The following DTD1 variants were observed in gnomAD, a reference collection of about 807,000 sequenced individuals.
The protein encoded by DTD1 is D-aminoacyl-tRNA deacylase 1.
A neutral mutation model predicts 25.6 loss-of-function variants in DTD1; 13 were observed. The ratio of observed to expected loss-of-function variants is 0.51; its 90% CI spans 0.33 to 0.81. DTD1 has a LOEUF of 0.81. Among genes scored for constraint, DTD1 ranks in the 30% least tolerant of loss-of-function variants. The pLI is 0.02. For missense variants in DTD1, 193 were observed against 266.4 expected, an observed-to-expected ratio of 0.72 and a Z score of 1.92; for synonymous variants, 110 against 103.6, an observed-to-expected ratio of 1.06 and a Z score of -0.37.
At chr20:18,696,774 G>C (rs1053820798) in intron 4 of DTD1, among the ~76,000 whole-genome samples, 3 of 151,666 alleles carry the variant, frequency 2.0e-5, no homozygotes, top group African/African-American at 7.3e-5. Context: ...GGCTGGTCTT[G>C]AACTCCCGAC....
chr20:18,592,012 T>C (rs1441278985), intron 1 of DTD1, among the ~76,000 whole-genome samples: 1 of 152,198 alleles, frequency 6.6e-6, no homozygotes, highest in Non-Finnish European at 1.5e-5. Context: ...CAGGAATGGA[T>C]TGATGTGCTC....
intron 3 of DTD1, among the ~76,000 whole-genome samples, chr20:18,624,552 A>C (rs1196975692): frequency 6.6e-6 from 1 of 152,180 alleles, no homozygotes; most frequent in Non-Finnish European, 1.5e-5. Context: ...GGGTTCATGC[A>C]GCAGCCTTGT....
intron 1 of DTD1, among the ~76,000 whole-genome samples, chr20:18,589,434 C>A (rs2060580356): frequency 6.6e-6 from 1 of 151,956 alleles, no homozygotes; most frequent in Non-Finnish European, 1.5e-5. Context: ...ACAACCAAAC[C>A]CACCAAAACC....
At chr20:18,651,769 G>A (rs747086546) in intron 4 of DTD1, among the ~76,000 whole-genome samples, 13 of 152,178 alleles carry the variant, frequency 8.5e-5, no homozygotes, top group Non-Finnish European at 1.8e-4. Context: ...GAGAACCGTG[G>A]TTTTAGTAGG....
chr20:18,691,426 C>G (rs1600371690), intron 4 of DTD1, among the ~76,000 whole-genome samples: 1 of 152,198 alleles, frequency 6.6e-6, no homozygotes, highest in Non-Finnish European at 1.5e-5. Context: ...ATGGAATGCT[C>G]TGTAGCCATA....
intron 4 of DTD1, among the ~76,000 whole-genome samples, chr20:18,676,220 C>T (rs1243091273): frequency 2.6e-5 from 4 of 152,146 alleles, no homozygotes; most frequent in African/African-American, 9.7e-5. Flanking sequence ...GGTTTCGAAA[C>T]TGCTCATCAA....
chr20:18,734,573 A>G (rs2061249165), intron 4 of DTD1, among the ~76,000 whole-genome samples: 1 of 152,242 alleles, frequency 6.6e-6, no homozygotes, highest in African/African-American at 2.4e-5. Flanking sequence ...GTGGCCTAGC[A>G]GAGCACACTG....
Position 18,702,383 on chromosome 20 carries a change from C to T in DTD1, c.478-41717C>T, listed in dbSNP as rs188148586. ...TTGGCTTTATCCTTGTTTTAAATTTCCCCTTTTCTCATTTCCCAGACTGGG... is the reference window on the plus strand; with the variant it reads ...TTGGCTTTATCCTTGTTTTAAATTTTCCCTTTTCTCATTTCCCAGACTGGG... On this transcript the variant is annotated intron_variant, in intron 4 of 5. Coordinates refer to ENST00000377452, the MANE Select transcript of DTD1 (RefSeq NM_080820.6). 2.1e-3 allele frequency among the ~76,000 whole-genome samples: 326 copies of T among 152,290 alleles called. 2 individuals carry two copies. The highest frequency in any genetic ancestry group is 7.4e-3 in the African/African-American group (307 of 41,564).
chr20:18,648,007 C>T (rs2060856568), intron 4 of DTD1, among the ~76,000 whole-genome samples: 2 of 152,184 alleles, frequency 1.3e-5, no homozygotes, highest in Admixed American at 6.5e-5. Context: ...TTCCCTGAAT[C>T]ACTGTTGGCC....
chr20:18,712,254 T>G (rs2061162162), intron 4 of DTD1, among the ~76,000 whole-genome samples: 1 of 152,192 alleles, frequency 6.6e-6, no homozygotes, highest in Non-Finnish European at 1.5e-5. Context: ...GGGGTTCTTG[T>G]TTGTAATTTT....
At chr20:18,693,903 G>A (rs1041707838) in intron 4 of DTD1, among the ~76,000 whole-genome samples, 6 of 152,128 alleles carry the variant, frequency 3.9e-5, no homozygotes, top group East Asian at 3.9e-4. Context: ...CACCAGCCAC[G>A]TGTAGCCATG....
At chr20:18,623,936 AGGG>A (rs2060746903) in intron 3 of DTD1, among the ~76,000 whole-genome samples, 1 of 151,662 alleles carries the variant, frequency 6.6e-6, no homozygotes, top group Middle Eastern at 3.4e-3. Context: ...TGCACAATAG[AGGG>A]CATGCTACTC....
chr20:18,712,408 G>C (rs1037921094), intron 4 of DTD1, among the ~76,000 whole-genome samples: 1 of 143,092 alleles, frequency 7.0e-6, no homozygotes, highest in Non-Finnish European at 1.5e-5. Context: ...TGGGGGTGGG[G>C]GGGAAGCCAG....
chr20:18,724,389 G>A (rs549943148), intron 4 of DTD1, among the ~76,000 whole-genome samples: 2 of 152,278 alleles, frequency 1.3e-5, no homozygotes, highest in South Asian at 2.1e-4. Context: ...CTTGGGGAGA[G>A]GGGTGATGAT....
intron 5 of DTD1, among the ~76,000 whole-genome samples, chr20:18,760,178 G>A (rs1373654207): frequency 3.9e-5 from 6 of 152,222 alleles, no homozygotes; most frequent in Non-Finnish European, 7.4e-5. Context: ...CCATGGGTTC[G>A]AACTTCCTCC....
At chr20:18,633,710 C>G (rs1004020403) in intron 4 of DTD1, among the ~76,000 whole-genome samples, 3 of 152,114 alleles carry the variant, frequency 2.0e-5, no homozygotes, top group Admixed American at 2.0e-4. Flanking sequence ...GAAGGGATTC[C>G]CAATTATTGT....
chr20:18,601,789 A>C (rs1392200751), intron 3 of DTD1, among the ~76,000 whole-genome samples: 2 of 152,130 alleles, frequency 1.3e-5, no homozygotes, highest in Non-Finnish European at 2.9e-5. Flanking sequence ...ACCATCATCA[A>C]AGACCAAAAG....
chr20:18,734,790 T>C (rs1011342920), intron 4 of DTD1, among the ~76,000 whole-genome samples: 40 of 152,224 alleles, frequency 2.6e-4, no homozygotes, highest in African/African-American at 9.2e-4. Context: ...TTACTGGTGG[T>C]AGTTGATGGA....
chr20:18,666,935 G>A (rs769451739), intron 4 of DTD1, among the ~76,000 whole-genome samples: 2 of 152,182 alleles, frequency 1.3e-5, no homozygotes, highest in African/African-American at 2.4e-5. Context: ...TCTAAGTGCA[G>A]ATTGTGGGAG....
Sources: allele counts gnomAD v4.1 joint callset (sites outside exome capture counted in the v4.1 genomes callset), GRCh38; gene constraint gnomAD v4.1.1; transcripts MANE v1.5; gene names NCBI Gene and HGNC (gene_info 2026-07-23, HGNC 2026-07-21).